The following ANK3 variants were observed in gnomAD, a reference collection of about 807,000 sequenced individuals.
ANK3 encodes the protein ankyrin 3.
A neutral mutation model predicts 370.9 loss-of-function variants in ANK3; 57 were observed. That is an observed-to-expected ratio of 0.15 (90% CI 0.12 to 0.19). ANK3 has a LOEUF of 0.19. Ranked by LOEUF, ANK3 falls within the 10% of genes least tolerant of loss-of-function variation. The probability of loss-of-function intolerance (pLI) is 1.00; values close to 1 mark genes in which losing one functional copy is unlikely to be tolerated. For missense variants in ANK3, 4,439 were observed against 5,302.1 expected (o/e 0.84, Z 5.06); for synonymous variants, 1,929 against 1,946.3 (o/e 0.99, Z 0.23).
intron 1 of ANK3, among the ~76,000 whole-genome samples, chr10:60,314,719 G>C (rs917964829): frequency 1.3e-5 from 2 of 152,176 alleles, no homozygotes; most frequent in East Asian, 3.9e-4. Flanking sequence ...TCCATTCGAG[G>C]AGGACAGCAC....
intron 16 of ANK3, among the ~76,000 whole-genome samples, chr10:60,192,660 GA>G (rs1280740292): frequency 2.0e-5 from 3 of 152,122 alleles, no homozygotes; most frequent in South Asian, 2.1e-4. Flanking sequence ...TGGACATAAA[GA>G]GTGGAATAAT....
At chr10:60,508,820 G>A (rs975181572) in intron 2 of ANK3, among the ~76,000 whole-genome samples, 2 of 152,086 alleles carry the variant, frequency 1.3e-5, no homozygotes, top group African/African-American at 4.8e-5. Flanking sequence ...TAAATTCTTT[G>A]ACAGATACAA....
At chr10:60,079,226 C>CACACACACACACACACACACA (rs1564852646) in intron 36 of ANK3, among the ~76,000 whole-genome samples, 8 of 143,766 alleles carry the variant, frequency 5.6e-5, no homozygotes, top group East Asian at 2.0e-4. Context: ...CACACACACA[C>CACACACACACACACACACACA]CCCTCTTCTG....
intron 10 of ANK3, 29 bp downstream of exon 10, chr10:60,208,007 A>T (rs1273052958): frequency 6.2e-7 from 1 of 1,600,004 alleles, no homozygotes; most frequent in Non-Finnish European, 8.6e-7. Flanking sequence ...AAGACAACTG[A>T]GGCTGGACTC....
intron 1 of ANK3, among the ~76,000 whole-genome samples, chr10:60,618,443 G>A (rs1054406397): frequency 1.3e-5 from 2 of 152,152 alleles, no homozygotes; most frequent in Non-Finnish European, 1.5e-5. Flanking sequence ...GGAGACACCA[G>A]AGACACAGGT....
intron 1 of ANK3, among the ~76,000 whole-genome samples, chr10:60,363,221 T>C (rs1052636337): frequency 1.3e-5 from 2 of 152,138 alleles, no homozygotes; most frequent in African/African-American, 4.8e-5. Flanking sequence ...CGTTCACTTC[T>C]TTCCATCTTG....
chr10:60,608,172 G>A (rs1234456076), intron 2 of ANK3, among the ~76,000 whole-genome samples: 2 of 152,174 alleles, frequency 1.3e-5, no homozygotes, highest in Non-Finnish European at 2.9e-5. Flanking sequence ...CACAGAATCA[G>A]TAGAGAATCC....
intron 25 of ANK3, among the ~76,000 whole-genome samples, chr10:60,116,670 G>A (rs1395482650): frequency 1.3e-5 from 2 of 150,360 alleles, no homozygotes; most frequent in South Asian, 2.1e-4. Context: ...AGAAAGTATA[G>A]AGAAATTTTT....
intron 1 of ANK3, among the ~76,000 whole-genome samples, chr10:60,349,617 T>C (rs141367720): frequency 6.6e-6 from 1 of 152,298 alleles, no homozygotes; most frequent in East Asian, 1.9e-4. Context: ...TCAAATTCTT[T>C]GGCTACGAAT....
chr10:60,231,971 T>C (rs937502417), intron 8 of ANK3, among the ~76,000 whole-genome samples: 2 of 152,290 alleles, frequency 1.3e-5, no homozygotes, highest in South Asian at 2.1e-4. Flanking sequence ...GGAGGCAAAG[T>C]GGCACAGAAA....
intron 24 of ANK3, chr10:60,138,691 G>C (rs2094449689): frequency 4.1e-6 from 2 of 482,640 alleles, no homozygotes; most frequent in Non-Finnish European, 7.2e-6. Context: ...TTTTGTCAGT[G>C]AGCTCTTTTG....
chr10:60,284,860 C>G (rs2098221558), intron 1 of ANK3, among the ~76,000 whole-genome samples: 1 of 152,026 alleles, frequency 6.6e-6, no homozygotes, highest in African/African-American at 2.4e-5. Context: ...TCTAATCTTT[C>G]CCCATTACCT....
chr10:60,397,308 C>A (rs2063262513), intron 2 of ANK3, among the ~76,000 whole-genome samples: 2 of 151,904 alleles, frequency 1.3e-5, no homozygotes, highest in South Asian at 4.2e-4. Context: ...GGAACATATC[C>A]ACCATGCAGA....
intron 29 of ANK3, 36 bp downstream of exon 29, chr10:60,088,111 C>T (rs376315724): frequency 4.5e-6 from 7 of 1,550,892 alleles, no homozygotes; most frequent in African/African-American, 1.4e-5. Flanking sequence ...ATGCTCTCTG[C>T]GCATACTGAG....
At chr10:60,611,965 C>T (rs1350446700) in intron 2 of ANK3, among the ~76,000 whole-genome samples, 4 of 152,106 alleles carry the variant, frequency 2.6e-5, no homozygotes. Context: ...TTTATTGACA[C>T]TCTTATCTCA....
At chr10:60,469,741 G>A (rs540205586) in intron 2 of ANK3, among the ~76,000 whole-genome samples, 10 of 143,654 alleles carry the variant, frequency 7.0e-5, no homozygotes, top group Non-Finnish European at 1.4e-4. Context: ...AACATGTGCT[G>A]AATATAATAT....
At chr10:60,361,736 T>G (rs2058641264) in intron 1 of ANK3, among the ~76,000 whole-genome samples, 1 of 152,202 alleles carries the variant, frequency 6.6e-6, no homozygotes, top group Non-Finnish European at 1.5e-5. Context: ...AGTTCACTTT[T>G]TGTCCTGATT....
chr10:60,627,580 CA>C (rs933811260), intron 1 of ANK3, among the ~76,000 whole-genome samples: 2 of 151,970 alleles, frequency 1.3e-5, no homozygotes, highest in African/African-American at 4.8e-5. Flanking sequence ...CAAAGTCTTA[CA>C]TGCAATTTTT....
intron 2 of ANK3, among the ~76,000 whole-genome samples, chr10:60,606,511 A>G (rs1013427368): frequency 6.6e-6 from 1 of 152,212 alleles, no homozygotes; most frequent in Non-Finnish European, 1.5e-5. Context: ...AAAGTGAAAG[A>G]AGAGTTAACA....
Sources: gnomAD v4.1 joint callset for allele counts (sites outside exome capture counted in the v4.1 genomes callset) on GRCh38, gnomAD v4.1.1 for gene constraint, MANE v1.5 for transcripts, NCBI Gene and HGNC (gene_info 2026-07-23, HGNC 2026-07-21) for gene names.